The following DOP1A variants were observed in gnomAD, a reference collection of about 807,000 sequenced individuals.
DOP1A encodes protein DOP1A.
In DOP1A, 90 loss-of-function variants were observed where a neutral mutation model predicts 267.6. The ratio of observed to expected loss-of-function variants is 0.34; its 90% CI spans 0.28 to 0.40. DOP1A has a LOEUF of 0.40. Ranked by LOEUF, DOP1A falls within the 10% of genes least tolerant of loss-of-function variation. The pLI is 1.00. For missense variants in DOP1A, 2,437 were observed against 2,900.4 expected (o/e 0.84, Z 3.67); for synonymous variants, 932 against 999.1 (o/e 0.93, Z 1.27).
Position 83,138,605 on chromosome 6 carries a change from G to C in DOP1A, c.4563G>C (p.Lys1521Asn), listed in dbSNP as rs772614857. ...FPSFISDMLS[K>N]CKVQKVILHC... ...GTTTTATTTCTGATATGTTATCTAA[G>C]TGCAAAGTTCAGAAAGTGATTCTTC... Residue 1521 changes from lysine to asparagine, a missense_variant, in exon 21 of 39, where the codon AAG becomes AAC. Coordinates refer to ENST00000349129, the MANE Select transcript of DOP1A (RefSeq NM_015018.4). 2 of 1,613,814 alleles carry C rather than the reference G, an allele frequency of 1.2e-6. No homozygotes were observed. The highest frequency in any genetic ancestry group is 1.7e-6 in the Non-Finnish European group (2 of 1,179,894).
intron 38 of DOP1A, chr6:83,167,088 G>A (rs1583226694): frequency 1.0e-6 from 1 of 983,438 alleles, no homozygotes; most frequent in Non-Finnish European, 1.2e-6. Flanking sequence ...CAAATTATTA[G>A]TCTTTATATT....
In DOP1A at chr6:83,137,609, A is replaced by C. The variant is rs528773210; in HGVS notation, c.3567A>C (p.Pro1189=). ...CCCCAAAGTGCAGTGATATAGATCC[A>C]GATGAAGAGACGATTAAAATTGAAG... ...AMPPKCSDID[P]DEETIKIEDD... is the part of the protein sequence containing the mutation. The change falls in exon 21 of 39, where the codon CCA becomes CCC. Residue 1189 remains proline (P), a synonymous_variant. Coordinates refer to ENST00000349129, the MANE Select transcript of DOP1A (RefSeq NM_015018.4). 6.2e-7 allele frequency: 1 copy of C among 1,613,782 alleles called. No homozygotes were observed. The highest frequency in any genetic ancestry group is 8.5e-7 in the Non-Finnish European group (1 of 1,179,858).
Position 83,152,351 on chromosome 6 carries a change from T to C in DOP1A, c.6113T>C (p.Leu2038Ser). 1.9e-6 allele frequency: 3 copies of C among 1,541,594 alleles called. No homozygotes were observed. Among genetic ancestry groups the C allele is most frequent in the Non-Finnish European group, 2.6e-6 (3 of 1,141,974 alleles). ...CCTTCTGTATATAGTGTCCATGCAT[T>C]GACATTACTCTCTGAGGTAAATATT... ...ITPSVYSVHA[L>S]TLLSEVLAHL... Residue 2038 changes from leucine to serine, a missense_variant, in exon 30 of 39, where the codon TTG becomes TCG. Physicochemically the swap from Leu to Ser is moderately radical, Grantham distance 145. Around this residue, in one of 9 missense-constraint regions of DOP1A, gnomAD observed 216 missense variants for 283.3 expected, o/e 0.76. Transcript: ENST00000349129.
chr6:83,108,378 A>G lies in DOP1A; in HGVS notation c.321-532A>G, dbSNP rs139453283. On this transcript the variant is annotated intron_variant, in intron 4 of 38. Transcript: ENST00000349129. ...TTTTTTGTAGAGATGGGGTCTCACT[A>G]TATTTCCTGGGCTGGTCTTAAACTC... is the stretch of plus-strand genomic sequence containing the variant. 1.3e-3 allele frequency among the ~76,000 whole-genome samples: 203 copies of G among 152,202 alleles called. 7 individuals are homozygous for G. The East Asian group carries it at 0.033, about 25-fold the overall frequency.
chr6:83,168,985 T>A, downstream of DOP1A: 1 of 1,265,052 alleles, frequency 7.9e-7, no homozygotes, highest in Non-Finnish European at 1.0e-6. Context: ...GTGACTGAAT[T>A]GTATACTTAA....
At chr6:83,119,972 C>A in intron 9 of DOP1A, 115 bp downstream of exon 9, 1 of 700,220 alleles carries the variant, frequency 1.4e-6, no homozygotes, top group Non-Finnish European at 2.2e-6. Context: ...GGAGACAAGA[C>A]TTACAAACTT....
At position 83,140,272 on chromosome 6, in the gene DOP1A, C is replaced by T; in HGVS notation, c.5284C>T (p.Leu1762Phe). 6.2e-7 allele frequency: 1 copy of T among 1,613,538 alleles called. No individual in the cohort carries two copies. Among genetic ancestry groups the T allele is most frequent in the Non-Finnish European group, 8.5e-7 (1 of 1,179,858 alleles). ...KHLFEARSGI[L>F]SILHMIMSSV... ...CTTGTTTGAAGCACGCAGTGGAATC[C>T]TCTCAATCCTTCATATGATCATGTC... The change falls in exon 23 of 39, where the codon CTC (leucine) becomes TTC (phenylalanine). Residue 1762 changes from leucine (L) to phenylalanine (F), a missense_variant. Physicochemically the swap from Leu to Phe is conservative, Grantham distance 22 (BLOSUM62 0). Coordinates refer to ENST00000349129, the MANE Select transcript of DOP1A (RefSeq NM_015018.4).
chr6:83,133,726 C>T (rs1372520388), intron 18 of DOP1A, among the ~76,000 whole-genome samples: 1 of 151,554 alleles, frequency 6.6e-6, no homozygotes, highest in African/African-American at 2.4e-5. Context: ...ATTTTTGAGT[C>T]AAACCAGCTT....
intron 4 of DOP1A, among the ~76,000 whole-genome samples, chr6:83,105,979 C>T (rs1026869163): frequency 1.6e-4 from 25 of 152,238 alleles, no homozygotes; most frequent in African/African-American, 5.8e-4. Flanking sequence ...TATTCTTGTA[C>T]ACATACACAC....
chr6:83,102,511 A>C (rs1324680414), intron 4 of DOP1A, among the ~76,000 whole-genome samples: 4 of 152,242 alleles, frequency 2.6e-5, no homozygotes, highest in Non-Finnish European at 5.9e-5. Context: ...GTAAGTTCTT[A>C]ATACATGTTA....
At chr6:83,134,919 C>T (rs1036234097) in intron 19 of DOP1A, among the ~76,000 whole-genome samples, 1 of 152,072 alleles carries the variant, frequency 6.6e-6, no homozygotes, top group African/African-American at 2.4e-5. Flanking sequence ...CAGATGTGTC[C>T]TCTACTGAAC....
At chr6:83,168,470 T>TC (rs1786385226) in exon 39 of DOP1A, 1 of 1,042,228 alleles carries the variant, frequency 9.6e-7, no homozygotes, top group African/African-American at 1.7e-5. Context: ...ATTTTTTTTT[T>TC]CCATTGGTTT....
chr6:83,129,405 C>T lies in DOP1A; in HGVS notation c.2238C>T (p.Ala746=), dbSNP rs777343240. The change falls in exon 16 of 39, where the codon GCC becomes GCT. Residue 746 remains alanine (A), a synonymous_variant. Coordinates refer to ENST00000349129, the MANE Select transcript of DOP1A (RefSeq NM_015018.4). The part of the protein sequence containing the change: ...KQKTSKEYLS[A]FLAACQLFLE... ...AAACTTCTAAAGAATACCTGTCTGC[C>T]TTCCTTGCTGCCTGTCAGCTCTTCC... is the stretch of plus-strand genomic sequence containing the variant. The T allele has an allele frequency of 1.2e-5, 19 of 1,611,220 alleles. No homozygotes were observed. The highest frequency in any genetic ancestry group is 1.7e-4 in the Middle Eastern group (1 of 6,060).
intron 38 of DOP1A, chr6:83,166,803 A>G (rs917059876): frequency 1.9e-6 from 2 of 1,031,230 alleles, no homozygotes; most frequent in Non-Finnish European, 2.3e-6. Context: ...ATATTAAATT[A>G]TTAGGTAAAC....
intron 24 of DOP1A, 88 bp downstream of exon 24, chr6:83,142,134 G>A (rs1360823857): frequency 1.2e-5 from 18 of 1,477,384 alleles, no homozygotes; most frequent in African/African-American, 7.2e-5. Context: ...CAGTGGGGCC[G>A]GGGTAGATTC....
rs376694061 is a variant in DOP1A, at chr6:83,151,959, G to A, written c.5981G>A (p.Arg1994Gln). 8.1e-6 allele frequency: 13 copies of A among 1,613,766 alleles called. No individual in the cohort carries two copies. Among genetic ancestry groups the A allele is most frequent in the African/African-American group, 1.3e-5 (1 of 74,890 alleles). The change falls in exon 29 of 39, where the codon CGA becomes CAA. Residue 1994 changes from arginine (R) to glutamine (Q), a missense_variant. Coordinates refer to ENST00000349129, the MANE Select transcript of DOP1A (RefSeq NM_015018.4). ...CTGGAACAGACAACATGGCTGCGAC[G>A]AAATCTTGAAGTTAAGCCTTCTCCC... ...SSLEQTTWLR[R>Q]NLEVKPSPKI...
At chr6:83,144,447 G>T (rs9449579) in intron 24 of DOP1A, among the ~76,000 whole-genome samples, 52,521 of 151,998 alleles carry the variant, frequency 0.35, 10,510 homozygotes, top group African/African-American at 0.56. Context: ...GTTGAAGTAT[G>T]TAGGGATGAA....
At chr6:83,120,867 G>T in intron 10 of DOP1A, 76 bp downstream of exon 10, 1 of 1,136,896 alleles carries the variant, frequency 8.8e-7, no homozygotes, top group Non-Finnish European at 1.2e-6. Flanking sequence ...AGAGTCATCA[G>T]GGAAATTGTT....
chr6:83,111,779 C>T (rs1361957662), intron 6 of DOP1A, among the ~76,000 whole-genome samples: 2 of 152,040 alleles, frequency 1.3e-5, no homozygotes, highest in East Asian at 1.9e-4. Flanking sequence ...AAACCCTTGT[C>T]GTATATATGA....
Sources: gnomAD v4.1 joint callset for allele counts (sites outside exome capture counted in the v4.1 genomes callset) on GRCh38, gnomAD v4.1.1 for gene constraint, gnomAD v4.1.1 regional missense constraint, MANE v1.5 for transcripts, NCBI Gene and HGNC (gene_info 2026-07-23, HGNC 2026-07-21) for gene names.